ANKRD30A: variants seen among roughly 807,000 people sequenced by gnomAD.
The protein encoded by ANKRD30A is ankyrin repeat domain 30A, also known as ankyrin repeat domain-containing protein 30A.
In ANKRD30A, 170 loss-of-function variants were observed where a neutral mutation model predicts 166.3. The ratio of observed to expected loss-of-function variants is 1.02; its 90% confidence interval spans 0.90 to 1.16. ANKRD30A has a LOEUF of 1.16. ANKRD30A is among the 50% of genes most tolerant of loss of function. ANKRD30A has a pLI of 0.00. For synonymous variants in ANKRD30A, 564 were observed against 508.9 expected, an observed-to-expected ratio of 1.11 and a Z score of -1.46; for missense variants, 1,630 against 1,518.0, an observed-to-expected ratio of 1.07 and a Z score of -1.23.
chr10:37,215,140 T>A (rs1266257773), intron 31 of ANKRD30A, among the ~76,000 whole-genome samples: 1 of 151,636 alleles, frequency 6.6e-6, no homozygotes, highest in Non-Finnish European at 1.5e-5. Context: ...GAGTTACTTA[T>A]AAACAGCTTG....
chr10:37,199,675 TGTATA>T, intron 29 of ANKRD30A, 47 bp from the exon 30 acceptor site: 2 of 1,196,268 alleles, frequency 1.7e-6, no homozygotes, highest in East Asian at 2.4e-5. Flanking sequence ...GTTTTTAAAA[TGTATA>T]GTAGAGAAAT....
At chr10:37,162,754 T>C in intron 16 of ANKRD30A, 22 bp from the exon 17 acceptor site, 1 of 1,613,686 alleles carries the variant, frequency 6.2e-7, no homozygotes, top group Non-Finnish European at 8.5e-7. Context: ...TTATTAATCA[T>C]TTTGCTTCCA....
intron 6 of ANKRD30A, among the ~76,000 whole-genome samples, chr10:37,137,006 AAGTTTGTATATTTTATG>A: frequency 6.6e-6 from 1 of 152,054 alleles, no homozygotes. Context: ...CGCAAGTTTT[AAGTTTGTATATTTTATG>A]TTTCCTCAAC....
In ANKRD30A at chr10:37,129,650, A is replaced by G. The variant is rs1213390908; in HGVS notation, c.222-243A>G. Among the ~76,000 whole-genome samples, 4 of 152,290 alleles carry G rather than the reference A, an allele frequency of 2.6e-5. No homozygotes were observed. In the East Asian group the frequency reaches 5.8e-4, roughly 22 times the overall value. On this transcript the variant is annotated intron_variant, in intron 1 of 35. Transcript: ENST00000361713. ...CTAGAAAGTGAAAGACCTTAAAGTA[A>G]TATTCAAGCCCGAGTTGAACTGAAT... is the stretch of plus-strand genomic sequence containing the variant.
intron 3 of ANKRD30A, 70 bp downstream of exon 3, chr10:37,130,448 T>G: frequency 8.2e-7 from 1 of 1,223,960 alleles, no homozygotes; most frequent in Non-Finnish European, 1.1e-6. Context: ...ATATGTAAGG[T>G]TTTTTATATT....
At chr10:37,210,232 G>A (rs1842217711) in intron 31 of ANKRD30A, among the ~76,000 whole-genome samples, 1 of 152,008 alleles carries the variant, frequency 6.6e-6, no homozygotes, top group African/African-American at 2.4e-5. Context: ...CTGTTCTTGT[G>A]CTAGTTTGCT....
At chr10:37,209,590 T>C (rs1842172076) in intron 31 of ANKRD30A, among the ~76,000 whole-genome samples, 1 of 152,134 alleles carries the variant, frequency 6.6e-6, no homozygotes, top group African/African-American at 2.4e-5. Context: ...GGAGATGACA[T>C]TTCAATGGGA....
chr10:37,127,139 A>G (rs1294387245), intron 1 of ANKRD30A, among the ~76,000 whole-genome samples: 1 of 151,620 alleles, frequency 6.6e-6, no homozygotes, highest in East Asian at 1.9e-4. Flanking sequence ...ACAACAGAAT[A>G]GAAAATCCAC....
chr10:37,155,291 G>T (rs1389552312), intron 13 of ANKRD30A, among the ~76,000 whole-genome samples: 2 of 152,130 alleles, frequency 1.3e-5, no homozygotes, highest in African/African-American at 4.8e-5. Flanking sequence ...AGTGGATCAA[G>T]AAATATTGAG....
At chr10:37,165,304 A>T (rs1459700355) in intron 18 of ANKRD30A, 149 bp downstream of exon 18, 8 of 799,852 alleles carry the variant, frequency 1.0e-5, no homozygotes, top group South Asian at 5.6e-5. Flanking sequence ...TGGAGAATCT[A>T]TGTGCTAAGT....
chr10:37,156,501 C>T (rs901933347), intron 13 of ANKRD30A, among the ~76,000 whole-genome samples: 4 of 152,152 alleles, frequency 2.6e-5, no homozygotes, highest in Non-Finnish European at 5.9e-5. Context: ...TCTTAAGTGC[C>T]AAGTGATAAA....
intron 31 of ANKRD30A, among the ~76,000 whole-genome samples, chr10:37,212,315 A>T (rs895160600): frequency 5.3e-5 from 8 of 152,080 alleles, no homozygotes; most frequent in Non-Finnish European, 8.8e-5. Flanking sequence ...CTTACAAGGG[A>T]TGTGAAGGAC....
the ANKRD30A span, among the ~76,000 whole-genome samples, chr10:37,260,140 A>AG: frequency 2.9e-4 from 44 of 151,876 alleles, 1 homozygote; most frequent in South Asian, 1.7e-3. Flanking sequence ...AAGGACAAAA[A>AG]AAAAAGAGAG....
the ANKRD30A span, among the ~76,000 whole-genome samples, chr10:37,242,242 C>A: frequency 2.2e-4 from 34 of 152,136 alleles, no homozygotes; most frequent in African/African-American, 6.3e-4. Context: ...GTAATGTTTC[C>A]TTGTAATTAG....
intron 27 of ANKRD30A, among the ~76,000 whole-genome samples, chr10:37,193,774 C>T (rs1042845235): frequency 2.0e-5 from 3 of 151,966 alleles, no homozygotes; most frequent in Non-Finnish European, 2.9e-5. Context: ...TGTCTAGACA[C>T]GGTGTTTTAG....
intron 7 of ANKRD30A, among the ~76,000 whole-genome samples, chr10:37,144,535 A>G (rs1321439556): frequency 6.6e-6 from 1 of 152,198 alleles, no homozygotes; most frequent in East Asian, 1.9e-4. Context: ...GCTAATATCA[A>G]AAAGTTAATA....
chr10:37,144,684 C>G (rs1432090564), intron 7 of ANKRD30A, among the ~76,000 whole-genome samples: 2 of 152,036 alleles, frequency 1.3e-5, no homozygotes, highest in African/African-American at 4.8e-5. Context: ...TCTGAGTGAA[C>G]AGCAAATATC....
intron 31 of ANKRD30A, among the ~76,000 whole-genome samples, chr10:37,203,273 A>G (rs1213643269): frequency 1.3e-5 from 2 of 152,206 alleles, no homozygotes; most frequent in African/African-American, 4.8e-5. Flanking sequence ...AGCACATCAG[A>G]AAGCTTATCC....
chr10:37,146,628 T>A (rs1478247291), intron 8 of ANKRD30A, among the ~76,000 whole-genome samples: 6 of 152,170 alleles, frequency 3.9e-5, no homozygotes, highest in Non-Finnish European at 7.3e-5. Context: ...GTTGTGACTA[T>A]GGCCCTGATC....
Sources: allele counts gnomAD v4.1 joint callset (sites outside exome capture counted in the v4.1 genomes callset), GRCh38; gene constraint gnomAD v4.1.1; transcripts MANE v1.5; gene names NCBI Gene and HGNC (gene_info 2026-07-23, HGNC 2026-07-21).